The following ST8SIA4 variants were observed in gnomAD, a reference collection of about 807,000 sequenced individuals.
The protein encoded by ST8SIA4 is CMP-N-acetylneuraminate-poly-alpha-2,8-sialyltransferase.
Under a neutral mutation model 33.9 loss-of-function variants are expected in ST8SIA4, and 15 were observed. That is an observed-to-expected ratio of 0.44 (90% CI 0.30 to 0.68). The LOEUF (loss-of-function observed/expected upper bound fraction) is 0.68. ST8SIA4 is among the 30% of genes least tolerant of loss of function. The pLI is 0.10. For missense variants in ST8SIA4, 321 were observed against 428.0 expected (o/e 0.75, Z 2.21); for synonymous variants, 171 against 151.2 (o/e 1.13, Z -0.96).
At chr5:100,867,429 C>T (rs1366644531) in intron 3 of ST8SIA4, among the ~76,000 whole-genome samples, 6 of 151,980 alleles carry the variant, frequency 3.9e-5, no homozygotes, top group Non-Finnish European at 7.4e-5. Flanking sequence ...TACTTAAGTC[C>T]TTAAAAATTA....
intron 3 of ST8SIA4, among the ~76,000 whole-genome samples, chr5:100,866,502 G>A (rs1752062513): frequency 6.6e-6 from 1 of 151,570 alleles, no homozygotes; most frequent in Non-Finnish European, 1.5e-5. Context: ...TTACTTCAAT[G>A]AAATGTTACA....
intron 1 of ST8SIA4, among the ~76,000 whole-genome samples, chr5:100,898,348 T>C (rs1580490240): frequency 6.6e-6 from 1 of 152,202 alleles, no homozygotes; most frequent in Non-Finnish European, 1.5e-5. Context: ...TTCATTGACC[T>C]AGAAATACAG....
At position 100,839,153 on chromosome 5, in the gene ST8SIA4, T is replaced by G. The variant is rs925431409; in HGVS notation, c.797+16950A>C. 5.3e-5 allele frequency among the ~76,000 whole-genome samples: 8 copies of G among 151,950 alleles called. No individual in the cohort carries two copies. The East Asian group carries it at 1.5e-3, about 29-fold the overall frequency. ...ATTTAAAAATTTTTCTATAACCTTT[T>G]GCCAACTTAGAATATGCAAAAAAAT... On this transcript the variant is annotated intron_variant, in intron 4 of 4. Coordinates refer to ENST00000231461, the MANE Select transcript of ST8SIA4 (RefSeq NM_005668.6).
At chr5:100,846,946 C>T (rs1378553468) in intron 4 of ST8SIA4, among the ~76,000 whole-genome samples, 1 of 152,056 alleles carries the variant, frequency 6.6e-6, no homozygotes, top group Non-Finnish European at 1.5e-5. Flanking sequence ...TAGGAAATAA[C>T]ATTGTGACTG....
intron 2 of ST8SIA4, among the ~76,000 whole-genome samples, chr5:100,888,431 G>T (rs774983655): frequency 6.6e-6 from 1 of 151,722 alleles, no homozygotes; most frequent in Non-Finnish European, 1.5e-5. Context: ...CATAATAGGG[G>T]ATATACAACA....
At chr5:100,895,864 A>T in intron 1 of ST8SIA4, 79 bp from the exon 2 acceptor site, 2 of 1,414,464 alleles carry the variant, frequency 1.4e-6, no homozygotes, top group Non-Finnish European at 1.9e-6. Context: ...ATTTGAATTA[A>T]TTACTGGTGA....
At chr5:100,888,375 C>T (rs55776301) in intron 2 of ST8SIA4, among the ~76,000 whole-genome samples, 1,548 of 151,808 alleles carry the variant, frequency 0.01, 10 homozygotes, top group Middle Eastern at 0.02. Context: ...AAACTATGAA[C>T]CTGGCCTACA....
At chr5:100,855,515 C>T (rs1464408178) in intron 4 of ST8SIA4, among the ~76,000 whole-genome samples, 1 of 152,088 alleles carries the variant, frequency 6.6e-6, no homozygotes, top group African/African-American at 2.4e-5. Context: ...GTGAATTTGG[C>T]CTTTTGGTCA....
intron 3 of ST8SIA4, among the ~76,000 whole-genome samples, chr5:100,883,086 T>G (rs771290956): frequency 2.1e-4 from 32 of 152,166 alleles, no homozygotes; most frequent in African/African-American, 6.0e-4. Flanking sequence ...ACAGACAGCT[T>G]GCACCGTTTG....
At position 100,807,561 on chromosome 5, in the gene ST8SIA4, T is replaced by C. The variant is rs1185027000; in HGVS notation, c.*4286A>G. The stretch of plus-strand genomic sequence containing the variant: ...GAATACATTGCTAGCTTGAAGCCTT[T>C]ACTTTTCTTCTTTATTATTAAGATT... On this transcript the variant is annotated 3_prime_UTR_variant, in exon 5 of 5. Coordinates refer to ENST00000231461, the MANE Select transcript of ST8SIA4 (RefSeq NM_005668.6). 6.6e-6 allele frequency: 1 copy of C among 152,558 alleles called. No homozygotes were observed. The highest frequency in any genetic ancestry group is 1.5e-5 in the Non-Finnish European group (1 of 67,960). The allele number at this position is 152,558 out of a possible 1,614,324, so 9.5% of individuals were successfully genotyped here.
chr5:100,846,537 TAC>T (rs1259360609), intron 4 of ST8SIA4, among the ~76,000 whole-genome samples: 1 of 151,788 alleles, frequency 6.6e-6, no homozygotes, highest in East Asian at 1.9e-4. Flanking sequence ...GAGAAGAGAA[TAC>T]AGAGAGCAGA....
chr5:100,874,960 C>A (rs1036592424), intron 3 of ST8SIA4, among the ~76,000 whole-genome samples: 10 of 152,042 alleles, frequency 6.6e-5, no homozygotes, highest in Non-Finnish European at 1.5e-4. Flanking sequence ...AATCCAAGTG[C>A]AAAATTTAAA....
At chr5:100,874,386 A>G (rs148451437) in intron 3 of ST8SIA4, among the ~76,000 whole-genome samples, 2 of 152,258 alleles carry the variant, frequency 1.3e-5, no homozygotes, top group Non-Finnish European at 1.5e-5. Flanking sequence ...AGAAAAGCTA[A>G]AAACTTCATC....
intron 4 of ST8SIA4, among the ~76,000 whole-genome samples, chr5:100,826,129 A>T (rs200778764): frequency 2.0e-5 from 3 of 151,024 alleles, no homozygotes; most frequent in Non-Finnish European, 4.4e-5. Context: ...GAGCAACTTA[A>T]TTTTTTTTTA....
intron 4 of ST8SIA4, among the ~76,000 whole-genome samples, chr5:100,817,937 C>A (rs769758157): frequency 3.9e-5 from 6 of 152,032 alleles, no homozygotes; most frequent in Admixed American, 6.6e-5. Context: ...TAAGAGGTAG[C>A]AATAAGAATA....
At position 100,862,028 on chromosome 5, in the gene ST8SIA4, G is replaced by T. The variant is rs192777638; in HGVS notation, c.504-5632C>A. Among the ~76,000 whole-genome samples, 165 of 152,198 alleles carry T rather than the reference G, an allele frequency of 1.1e-3. 1 individual carries two copies. Among genetic ancestry groups the T allele is most frequent in the Middle Eastern group, 3.4e-3 (1 of 294 alleles). On this transcript the variant is annotated intron_variant, in intron 3 of 4. Coordinates refer to ENST00000231461, the MANE Select transcript of ST8SIA4 (RefSeq NM_005668.6). ...TGAAATGCATGCAGGTAAGTTAAAGGCATGTCAAATAAGATCTCTGAGCAA... is the reference window on the plus strand; with the variant it reads ...TGAAATGCATGCAGGTAAGTTAAAGTCATGTCAAATAAGATCTCTGAGCAA...
Position 100,812,021 on chromosome 5 carries a change from G to A in ST8SIA4, c.906C>T (p.Pro302=). ...CDEIHLYGFW[P]FPKDLNGKAV... is the part of the protein sequence containing the mutation. ...CTTTTCCATTTAAATCCTTAGGGAAGGGCCAGAATCCATACAGGTGAATTT... is the reference window on the plus strand; with the variant it reads ...CTTTTCCATTTAAATCCTTAGGGAAAGGCCAGAATCCATACAGGTGAATTT... The change falls in exon 5 of 5, where the codon CCC becomes CCT. Residue 302 remains proline (P), a synonymous_variant. Coordinates refer to ENST00000231461, the MANE Select transcript of ST8SIA4 (RefSeq NM_005668.6). 1.9e-6 allele frequency: 3 copies of A among 1,614,056 alleles called. No homozygotes were observed. Among genetic ancestry groups the A allele is most frequent in the Non-Finnish European group, 2.5e-6 (3 of 1,179,988 alleles).
intron 3 of ST8SIA4, among the ~76,000 whole-genome samples, chr5:100,857,547 T>C (rs1476739793): frequency 6.6e-6 from 1 of 152,026 alleles, no homozygotes. Flanking sequence ...TTTTTAATAC[T>C]TTTATCAGCC....
intron 1 of ST8SIA4, among the ~76,000 whole-genome samples, chr5:100,900,669 G>A (rs1752887789): frequency 6.6e-6 from 1 of 151,476 alleles, no homozygotes; most frequent in Admixed American, 6.6e-5. Context: ...CGACGTTCGC[G>A]GCCAGCCCTC....
Sources: gnomAD v4.1 joint callset for allele counts (sites outside exome capture counted in the v4.1 genomes callset) on GRCh38, gnomAD v4.1.1 for gene constraint, MANE v1.5 for transcripts, NCBI Gene and HGNC (gene_info 2026-07-23, HGNC 2026-07-21) for gene names.